GRM1: variants seen among roughly 807,000 people sequenced by gnomAD.
GRM1 encodes the protein metabotropic glutamate receptor 1.
In GRM1, 33 loss-of-function variants were observed where a neutral mutation model predicts 90.9. The observed-to-expected ratio is 0.36, with a 90% confidence interval of 0.28 to 0.49. The LOEUF is 0.49. GRM1 is among the 20% of genes least tolerant of loss of function. GRM1 has a pLI of 0.99. For synonymous variants in GRM1, 700 were observed against 613.2 expected (o/e 1.14, Z -2.09); for missense variants, 1,190 against 1,534.3 (o/e 0.78, Z 3.75).
chr6:146,218,020 A>G (rs1242017396), intron 2 of GRM1, among the ~76,000 whole-genome samples: 1 of 152,208 alleles, frequency 6.6e-6, no homozygotes, highest in Non-Finnish European at 1.5e-5. Flanking sequence ...TCTGTGATTC[A>G]GGTACCATTG....
At position 146,111,135 on chromosome 6, in the gene GRM1, GTCTGT is replaced by G. The variant is rs1377341389; in HGVS notation, c.701-48212_701-48208del. ...TTCACAAGAAGTTCCAGGTACACCT[GTCTGT>G]GAATGTGCAGAAGTTTCTCAACAAA... On this transcript the variant is annotated intron_variant, in intron 1 of 7. Transcript: ENST00000282753. 6.6e-5 allele frequency among the ~76,000 whole-genome samples: 10 copies of G among 152,270 alleles called. No individual in the cohort carries two copies. In the South Asian group the frequency reaches 8.3e-4, roughly 13 times the overall value.
chr6:146,392,732 A>G (rs1201500237), intron 6 of GRM1, among the ~76,000 whole-genome samples: 1 of 152,014 alleles, frequency 6.6e-6, no homozygotes, highest in Non-Finnish European at 1.5e-5. Flanking sequence ...TCCCCTCGCT[A>G]TGCCCATATG....
intron 1 of GRM1, among the ~76,000 whole-genome samples, chr6:146,038,943 T>C (rs1475933926): frequency 3.9e-5 from 6 of 152,018 alleles, no homozygotes; most frequent in African/African-American, 1.4e-4. Flanking sequence ...AATATCCTTT[T>C]TTTTCGATAA....
At chr6:146,419,209 A>C (rs1016181534) in intron 7 of GRM1, among the ~76,000 whole-genome samples, 2 of 152,210 alleles carry the variant, frequency 1.3e-5, no homozygotes, top group East Asian at 3.8e-4. Flanking sequence ...AGACGGAAGA[A>C]AAATATTAAG....
At chr6:146,165,422 TAA>T (rs1006642032) in intron 2 of GRM1, among the ~76,000 whole-genome samples, 2 of 152,146 alleles carry the variant, frequency 1.3e-5, no homozygotes, top group African/African-American at 4.8e-5. Flanking sequence ...GGGAAAACTC[TAA>T]AGTTTGCAGC....
At position 146,347,441 on chromosome 6, in the gene GRM1, A is replaced by G. The variant is rs939009393; in HGVS notation, c.1187-4809A>G. ...CCTAGGAATATACTTGTGAGTGCAC[A>G]TAGAACATTCAAAGGAATTTATAAA... On this transcript the variant is annotated intron_variant, in intron 3 of 7. Coordinates refer to ENST00000282753, the MANE Select transcript of GRM1 (RefSeq NM_001278064.2). Among the ~76,000 whole-genome samples the G allele has an allele frequency of 2.0e-5, 3 of 152,258 alleles. No homozygotes were observed. In the East Asian group the frequency reaches 5.8e-4, roughly 29 times the overall value.
At chr6:146,190,654 CA>C (rs960054242) in intron 2 of GRM1, among the ~76,000 whole-genome samples, 2 of 152,070 alleles carry the variant, frequency 1.3e-5, no homozygotes, top group Non-Finnish European at 2.9e-5. Context: ...TAAGAAAAGA[CA>C]ATTTTTGGTC....
At chr6:146,392,609 A>G (rs1776769928) in intron 6 of GRM1, among the ~76,000 whole-genome samples, 3 of 152,196 alleles carry the variant, frequency 2.0e-5, no homozygotes, top group Admixed American at 6.5e-5. Context: ...ATAGGTATAC[A>G]TGTGCCATGG....
intron 1 of GRM1, among the ~76,000 whole-genome samples, chr6:146,077,071 T>A (rs1255614739): frequency 6.6e-6 from 1 of 152,206 alleles, no homozygotes; most frequent in African/African-American, 2.4e-5. Context: ...TTTTGGAATT[T>A]GAATGAAAAA....
rs371364582 is a variant in GRM1 at position 146,347,847 on chromosome 6, A to G, written c.1187-4403A>G. 9.8e-4 allele frequency among the ~76,000 whole-genome samples: 149 copies of G among 152,312 alleles called. 3 individuals are homozygous for G. The South Asian group carries it at 0.015, about 16-fold the overall frequency. On this transcript the variant is annotated intron_variant, in intron 3 of 7. Transcript: ENST00000282753. ...ACAAAAGACATACTGGATCGGGAAC[A>G]TGGTTTTGATATGTGCCCACAATGG...
intron 5 of GRM1, among the ~76,000 whole-genome samples, chr6:146,375,414 G>A (rs1219625206): frequency 1.3e-5 from 2 of 151,942 alleles, no homozygotes; most frequent in Non-Finnish European, 2.9e-5. Flanking sequence ...AGATCCATTT[G>A]TTTTATAGTG....
At chr6:146,083,741 G>A (rs181892585) in intron 1 of GRM1, among the ~76,000 whole-genome samples, 54 of 152,306 alleles carry the variant, frequency 3.5e-4, no homozygotes, top group Admixed American at 1.8e-3. Flanking sequence ...GATGATGCTG[G>A]CCTCATAAAA....
chr6:146,118,845 G>A (rs2128876485), intron 1 of GRM1, among the ~76,000 whole-genome samples: 1 of 152,328 alleles, frequency 6.6e-6, no homozygotes, highest in East Asian at 1.9e-4. Context: ...TATCATTGAT[G>A]GACATTTGGG....
At chr6:146,172,787 C>A (rs1183862594) in intron 2 of GRM1, among the ~76,000 whole-genome samples, 1 of 151,958 alleles carries the variant, frequency 6.6e-6, no homozygotes, top group Non-Finnish European at 1.5e-5. Flanking sequence ...TTTTTATAGT[C>A]CTAGAATTTG....
At chr6:146,398,394 T>C (rs866013265) in intron 6 of GRM1, among the ~76,000 whole-genome samples, 1 of 152,252 alleles carries the variant, frequency 6.6e-6, no homozygotes, top group South Asian at 2.1e-4. Flanking sequence ...TAATTTATTC[T>C]ATCCCATTAT....
rs17075661 is a variant in GRM1 at position 146,085,089 on chromosome 6, A to G, written c.700+54872A>G. ...GTAATTTTTGAAACTATAAGAAAGT[A>G]TAAGTGCATATTTATTTAATCTCTG... On this transcript the variant is annotated intron_variant, in intron 1 of 7. Coordinates refer to ENST00000282753, the MANE Select transcript of GRM1 (RefSeq NM_001278064.2). Among the ~76,000 whole-genome samples, 603 of 152,292 alleles carry G rather than the reference A, an allele frequency of 4.0e-3. 18 individuals are homozygous for G. In the East Asian group the frequency reaches 0.069, roughly 18 times the overall value.
chr6:146,228,650 A>G (rs996711299), intron 2 of GRM1, among the ~76,000 whole-genome samples: 1 of 152,164 alleles, frequency 6.6e-6, no homozygotes, highest in East Asian at 1.9e-4. Context: ...TCAACTGACA[A>G]TGTAGATAAA....
intron 2 of GRM1, among the ~76,000 whole-genome samples, chr6:146,234,750 A>C (rs1780576351): frequency 6.6e-6 from 1 of 152,070 alleles, no homozygotes; most frequent in Non-Finnish European, 1.5e-5. Flanking sequence ...CTTGATTACT[A>C]GGTGTTTTTT....
In GRM1 at chr6:146,136,849, C is replaced by CTTTT. The variant is rs57774648; in HGVS notation, c.701-22481_701-22478dup. Among the ~76,000 whole-genome samples, 161 of 90,958 alleles carry CTTTT rather than the reference C, an allele frequency of 1.8e-3. 2 individuals carry two copies. The highest frequency in any genetic ancestry group is 2.4e-3 in the Admixed American group (16 of 6,682). 59.7% of individuals were successfully genotyped at this position (90,958 alleles called of 152,430 possible). On this transcript the variant is annotated intron_variant, in intron 1 of 7. Coordinates refer to ENST00000282753, the MANE Select transcript of GRM1 (RefSeq NM_001278064.2). ...GATTGTTTTCTTTGTTGTACAGAAG[C>CTTTT]TTTTTTTTTTTTTTTTTTTTTGAGA...
Sources: allele counts gnomAD v4.1 joint callset (sites outside exome capture counted in the v4.1 genomes callset), GRCh38; gene constraint gnomAD v4.1.1; transcripts MANE v1.5; gene names NCBI Gene and HGNC (gene_info 2026-07-23, HGNC 2026-07-21).